Variants in NSUN2 observed in about 807,000 individuals in gnomAD.
NSUN2 encodes the protein RNA cytosine C(5)-methyltransferase NSUN2.
Under a neutral mutation model 92.7 loss-of-function variants are expected in NSUN2, and 63 were observed. The ratio of observed to expected loss-of-function variants is 0.68; its 90% confidence interval spans 0.56 to 0.84. The LOEUF (loss-of-function observed/expected upper bound fraction) is 0.84, where lower values mean the gene tolerates loss of function less well. NSUN2 is among the 40% of genes least tolerant of loss of function. The probability of loss-of-function intolerance (pLI) is 0.00; values close to 1 mark genes in which losing one functional copy is unlikely to be tolerated. For synonymous variants in NSUN2, 356 were observed against 348.3 expected, an observed-to-expected ratio of 1.02 and a Z score of -0.25; for missense variants, 989 against 964.9, an observed-to-expected ratio of 1.02 and a Z score of -0.33.
chr5:6,621,790 C>A, intron 6 of NSUN2: 11 of 431,280 alleles, frequency 2.6e-5, no homozygotes, highest in South Asian at 1.7e-4. Context: ...ATAGAAAACA[C>A]ACATAATTCT....
chr5:6,615,873 C>T (rs1321536767), intron 9 of NSUN2, among the ~76,000 whole-genome samples: 1 of 152,260 alleles, frequency 6.6e-6, no homozygotes, highest in East Asian at 1.9e-4. Context: ...TATCAATACA[C>T]TGTAGAAATA....
intron 12 of NSUN2, among the ~76,000 whole-genome samples, chr5:6,608,381 CT>C (rs1736865225): frequency 6.6e-6 from 1 of 152,222 alleles, no homozygotes; most frequent in African/African-American, 2.4e-5. Flanking sequence ...CCTGGCCTAA[CT>C]TCTAGCCAAG....
intron 17 of NSUN2, chr5:6,603,922 CA>C (rs1029046892): frequency 1.4e-5 from 7 of 492,294 alleles, no homozygotes; most frequent in Middle Eastern, 4.8e-4. Context: ...AGGGCACCAC[CA>C]GAGCCTGGGG....
chr5:6,604,534 G>A (rs1002757465), intron 16 of NSUN2, 71 bp downstream of exon 16: 1 of 1,382,810 alleles, frequency 7.2e-7, no homozygotes, highest in African/African-American at 1.4e-5. Flanking sequence ...TGGCTGACCA[G>A]CAAGCCCATC....
At chr5:6,629,990 A>G (rs147706506) in intron 3 of NSUN2, among the ~76,000 whole-genome samples, 40 of 152,330 alleles carry the variant, frequency 2.6e-4, no homozygotes, top group African/African-American at 8.2e-4. Context: ...GTATGTCCTT[A>G]TAACAGTGTG....
At chr5:6,605,824 A>G (rs1683279860) in intron 14 of NSUN2, among the ~76,000 whole-genome samples, 1 of 151,330 alleles carries the variant, frequency 6.6e-6, no homozygotes, top group Admixed American at 6.6e-5. Flanking sequence ...CAGCCTGAGT[A>G]GCTGTGATTA....
intron 17 of NSUN2, 99 bp from the exon 18 acceptor site, chr5:6,602,599 G>A (rs1579352423): frequency 9.2e-7 from 1 of 1,081,764 alleles, no homozygotes; most frequent in Non-Finnish European, 1.4e-6. Flanking sequence ...GTATTCTGAA[G>A]AAAGAAAACA....
intron 12 of NSUN2, among the ~76,000 whole-genome samples, chr5:6,608,536 C>T (rs371047170): frequency 2.0e-5 from 3 of 152,280 alleles, no homozygotes; most frequent in African/African-American, 7.2e-5. Flanking sequence ...GACATAGTAA[C>T]AGAAAGAGAG....
rs776136441 is a variant in NSUN2, at chr5:6,605,310, A to C, written c.1700T>G (p.Leu567Trp). 1 of 1,614,216 alleles carries C rather than the reference A, an allele frequency of 6.2e-7. No individual in the cohort carries two copies. Among genetic ancestry groups the C allele is most frequent in the South Asian group, 1.1e-5 (1 of 91,086 alleles). The change falls in exon 15 of 19, where the codon TTG (leucine) becomes TGG (tryptophan). Residue 567 changes from leucine (L) to tryptophan (W), a missense_variant. This residue lies in a region of NSUN2 where 626 missense variants were observed against 602.3 expected (regional missense o/e 1.04). Coordinates refer to ENST00000264670, the MANE Select transcript of NSUN2 (RefSeq NM_017755.6). ...ACTGTTATTCAGCAGCACATTCCGC[A>C]ACTCCTTAGAAACCATGTAGAGCTG... ...KRQLYMVSKE[L>W]RNVLLNNSEK... is the part of the protein sequence containing the mutation.
rs755441557 is a variant in NSUN2 at position 6,631,980 on chromosome 5, A to G, written c.255-3T>C. On this transcript the variant is annotated splice_region_variant and splice_polypyrimidine_tract_variant and intron_variant, in intron 2 of 18. Coordinates refer to ENST00000264670, the MANE Select transcript of NSUN2 (RefSeq NM_017755.6). ...AATGGAGAATCTCTTTTGCGTGGCT[A>G]TTGAAAAATAAGGAAGTTTCAAACT... 2 of 1,605,138 alleles carry G rather than the reference A, an allele frequency of 1.2e-6. No homozygotes were observed. The highest frequency in any genetic ancestry group is 1.7e-6 in the Non-Finnish European group (2 of 1,173,714).
At position 6,611,084 on chromosome 5, in the gene NSUN2, AC is replaced by A. The variant is rs2126482199; in HGVS notation, c.1096del (p.Val366Ter). ...AAACCACTGCCCATCTTTCGTCATT[AC>A]CTGCAGAACCACAGGGTACATTCCA... is the stretch of plus-strand genomic sequence containing the variant. ...KWMPGITQWKVMTKDGQWFTD... is the reference protein window; with the variant it reads ...KWMPGITQWKXMTKDGQWFTD... On this transcript the variant is annotated frameshift_variant and splice_region_variant, in exon 11 of 19. Transcript: ENST00000264670. LOFTEE classifies it high-confidence loss of function. 6.2e-7 allele frequency: 1 copy of A among 1,614,146 alleles called. No homozygotes were observed. Among genetic ancestry groups the A allele is most frequent in the Non-Finnish European group, 8.5e-7 (1 of 1,180,022 alleles).
At chr5:6,612,689 T>G (rs1461222657) in intron 9 of NSUN2, among the ~76,000 whole-genome samples, 2 of 152,210 alleles carry the variant, frequency 1.3e-5, no homozygotes, top group East Asian at 3.9e-4. Flanking sequence ...GAAGCAAGCA[T>G]CGTACTGACT....
At position 6,600,067 on chromosome 5, in the gene NSUN2, A is replaced by G. The variant is rs764059905; in HGVS notation, c.2163T>C (p.Ser721=). The G allele has an allele frequency of 6.2e-7, 1 of 1,614,024 alleles. No homozygotes were observed. Among genetic ancestry groups the G allele is most frequent in the Non-Finnish European group, 8.5e-7 (1 of 1,179,998 alleles). ...KKEGVILTNE[S]AASTGQPDND... is the part of the protein sequence containing the mutation. ...TGTCTGGCTGTCCGGTGCTGGCTGC[A>G]CTCTCATTTGTGAGGATAACCCCTT... The change falls in exon 19 of 19, where the codon AGT becomes AGC. Residue 721 remains serine (S), a synonymous_variant. Coordinates refer to ENST00000264670, the MANE Select transcript of NSUN2 (RefSeq NM_017755.6).
Position 6,600,188 on chromosome 5 carries a change from C to T in NSUN2, c.2042G>A (p.Arg681Gln), listed in dbSNP as rs1182150504. ...LQCPIVLCGW[R>Q]GKASIRTFVP... ...AAAAGTTCGAATGGAGGCCTTTCCC[C>T]GCCATCCGCATAAGACGATGGGACA... The change falls in exon 19 of 19, where the codon CGG (arginine) becomes CAG (glutamine). Residue 681 changes from arginine to glutamine, a missense_variant. Arg to Gln is a conservative substitution (Grantham distance 43). Coordinates refer to ENST00000264670, the MANE Select transcript of NSUN2 (RefSeq NM_017755.6). 2.4e-5 allele frequency: 39 copies of T among 1,614,086 alleles called. No homozygotes were observed. Among genetic ancestry groups the T allele is most frequent in the African/African-American group, 5.3e-5 (4 of 74,924 alleles).
rs761343503 is a variant in NSUN2 at position 6,625,805 on chromosome 5, C to A, written c.360-136G>T. The stretch of plus-strand genomic sequence containing the variant: ...CCCTGCTCCTATTCACAATCCTCTA[C>A]GGACAGTCAGCAACACTCAGAGATG... On this transcript the variant is annotated intron_variant, in intron 3 of 18. Coordinates refer to ENST00000264670, the MANE Select transcript of NSUN2 (RefSeq NM_017755.6). The A allele has an allele frequency of 2.1e-4, 139 of 655,912 alleles. 1 individual carries two copies. The Admixed American group carries it at 3.2e-3, about 15-fold the overall frequency. The allele number at this position is 655,912 out of a possible 1,614,324, so 40.6% of individuals were successfully genotyped here.
intron 7 of NSUN2, 77 bp from the exon 8 acceptor site, chr5:6,618,101 G>T: frequency 1.1e-6 from 1 of 900,434 alleles, no homozygotes; most frequent in Non-Finnish European, 1.8e-6. Flanking sequence ...TCACATACAA[G>T]CTAAGTTACA....
At chr5:6,627,819 T>A (rs2126507378) in intron 3 of NSUN2, among the ~76,000 whole-genome samples, 1 of 152,356 alleles carries the variant, frequency 6.6e-6, no homozygotes, top group Admixed American at 6.5e-5. Context: ...AACCAAAAAA[T>A]GTTTATTAAA....
chr5:6,617,291 T>C, intron 8 of NSUN2, among the ~76,000 whole-genome samples: 1 of 152,208 alleles, frequency 6.6e-6, no homozygotes, highest in East Asian at 1.9e-4. Flanking sequence ...CCTGCTATAG[T>C]TGGTTGTGGT....
chr5:6,603,279 A>G (rs1736628052), intron 17 of NSUN2, among the ~76,000 whole-genome samples: 1 of 152,252 alleles, frequency 6.6e-6, no homozygotes, highest in Non-Finnish European at 1.5e-5. Flanking sequence ...TATGACCAAT[A>G]ATCTACTCCA....
Sources: allele counts gnomAD v4.1 joint callset (sites outside exome capture counted in the v4.1 genomes callset), GRCh38; gene constraint gnomAD v4.1.1; regional missense constraint gnomAD v4.1.1; transcripts MANE v1.5; gene names NCBI Gene and HGNC (gene_info 2026-07-23, HGNC 2026-07-21).